FAT2: variants seen among roughly 807,000 people sequenced by gnomAD.
The protein encoded by FAT2 is protocadherin Fat 2.
FAT2 carries 150 observed loss-of-function variants against 295.3 expected under a neutral mutation model. The ratio of observed to expected loss-of-function variants is 0.51; its 90% CI spans 0.44 to 0.58. FAT2 has a LOEUF of 0.58. Among genes scored for constraint, FAT2 ranks in the 20% least tolerant of loss-of-function variants. The pLI, the probability that FAT2 is intolerant of heterozygous loss-of-function variation, is 0.00. For missense variants in FAT2, 4,868 were observed against 5,442.7 expected (o/e 0.89, Z 3.32); for synonymous variants, 2,026 against 2,150.3 (o/e 0.94, Z 1.60).
rs2127579295 is a variant in FAT2, at chr5:151,521,366, G to C, written c.11227C>G (p.Leu3743Val). The change falls in exon 19 of 24, where the codon CTG becomes GTG. Residue 3743 changes from leucine to valine, a missense_variant. Physicochemically the swap from Leu to Val is conservative, Grantham distance 32. This residue lies in a region of FAT2 where 1,046 missense variants were observed against 1,210.1 expected (regional missense o/e 0.86). Transcript: ENST00000261800. Reference sequence around the variant, plus strand: ...TACGTGGGCCCAACCTTGGGGTCCAGATGCACTGTGTTATGGCAGATTTGA... The same window carrying C: ...TACGTGGGCCCAACCTTGGGGTCCACATGCACTGTGTTATGGCAGATTTGA... ...QGQICHNTVH[L>V]DPKVGPTYST... 6.2e-7 allele frequency: 1 copy of C among 1,614,250 alleles called. No homozygotes were observed. Among genetic ancestry groups the C allele is most frequent in the Non-Finnish European group, 8.5e-7 (1 of 1,180,048 alleles).
Position 151,556,387 on chromosome 5 carries a change from G to T in FAT2, c.3590C>A (p.Ala1197Asp). ...CTTGTTCTCTCTGTCCAGCTGCTGG[G>T]CTGTAGATAGGAGACCTGAGAGAGA... ...IHPVTGLLSTAQQLDRENKDE... is the reference protein window; with the variant it reads ...IHPVTGLLSTDQQLDRENKDE... The change falls in exon 4 of 24, where the codon GCC becomes GAC. Residue 1197 changes from alanine to aspartate, a missense_variant. Coordinates refer to ENST00000261800, the MANE Select transcript of FAT2 (RefSeq NM_001447.3). 1 of 1,613,606 alleles carries T rather than the reference G, an allele frequency of 6.2e-7. No individual in the cohort carries two copies. Among genetic ancestry groups the T allele is most frequent in the Non-Finnish European group, 8.5e-7 (1 of 1,179,708 alleles).
chr5:151,523,775 C>T (rs537864316), intron 18 of FAT2, among the ~76,000 whole-genome samples: 1 of 152,270 alleles, frequency 6.6e-6, no homozygotes, highest in East Asian at 1.9e-4. Context: ...ACCCACTGGA[C>T]ACCTCTGCTT....
intron 7 of FAT2, 50 bp from the exon 8 acceptor site, chr5:151,550,921 G>T: frequency 6.3e-7 from 1 of 1,578,976 alleles, no homozygotes; most frequent in East Asian, 2.2e-5. Flanking sequence ...CAGGGGAACA[G>T]GGACTGGGTC....
intron 1 of FAT2, among the ~76,000 whole-genome samples, chr5:151,580,903 C>G (rs908847418): frequency 2.0e-5 from 3 of 152,210 alleles, no homozygotes; most frequent in African/African-American, 7.2e-5. Context: ...CAATAAATGG[C>G]CTTCCAAGGA....
chr5:151,507,569 T>G lies in FAT2; in HGVS notation c.12102A>C (p.Leu4034=), dbSNP rs894736376. ...EARGCSEGHC[L]VTPEIQRGDW... ...CCCCCCTTTGGATCTCGGGAGTGAC[T>G]AGGCAGTGTCCTTCTGAACAACCCC... is the stretch of plus-strand genomic sequence containing the variant. Residue 4034 remains leucine, a synonymous_variant, in exon 23 of 24, where the codon CTA becomes CTC. Coordinates refer to ENST00000261800, the MANE Select transcript of FAT2 (RefSeq NM_001447.3). 18 of 1,613,632 alleles carry G rather than the reference T, an allele frequency of 1.1e-5. No individual in the cohort carries two copies. The highest frequency in any genetic ancestry group is 1.4e-5 in the Non-Finnish European group (17 of 1,179,942).
chr5:151,583,907 A>G (rs1481230389), intron 1 of FAT2, among the ~76,000 whole-genome samples: 2 of 150,846 alleles, frequency 1.3e-5, no homozygotes, highest in Non-Finnish European at 2.9e-5. Context: ...TTGAGGCACA[A>G]GAATCACTTG....
chr5:151,577,420 G>C (rs1758787062), intron 1 of FAT2, among the ~76,000 whole-genome samples: 1 of 152,346 alleles, frequency 6.6e-6, no homozygotes, highest in Admixed American at 6.5e-5. Flanking sequence ...CAGAGAACAA[G>C]AGAGATGAGG....
At position 151,534,518 on chromosome 5, in the gene FAT2, C is replaced by G; in HGVS notation, c.9318G>C (p.Val3106=). The G allele has an allele frequency of 6.2e-7, 1 of 1,614,122 alleles. No individual in the cohort carries two copies. The highest frequency in any genetic ancestry group is 8.5e-7 in the Non-Finnish European group (1 of 1,180,026). ...GGAAGAACCGCGGGGCATTGTCATT[C>G]ACATCCTCCACATGGAGGGTGATGT... ...QADITLHVED[V]NDNAPRFFPS... Residue 3106 remains valine, a synonymous_variant, in exon 13 of 24, where the codon GTG becomes GTC. Coordinates refer to ENST00000261800, the MANE Select transcript of FAT2 (RefSeq NM_001447.3).
intron 2 of FAT2, among the ~76,000 whole-genome samples, chr5:151,565,028 T>C (rs760918333): frequency 1.3e-5 from 2 of 152,060 alleles, no homozygotes; most frequent in Non-Finnish European, 2.9e-5. Context: ...TGAGCCGAGA[T>C]CGAACCACTT....
At chr5:151,578,081 T>A (rs1229948570) in intron 1 of FAT2, among the ~76,000 whole-genome samples, 1 of 151,796 alleles carries the variant, frequency 6.6e-6, no homozygotes, top group Non-Finnish European at 1.5e-5. Context: ...TGGTATTTAT[T>A]CATTAGAAGC....
At position 151,544,260 on chromosome 5, in the gene FAT2, G is replaced by A. The variant is rs1009903287; in HGVS notation, c.6867C>T (p.Thr2289=). 11 of 1,614,062 alleles carry A rather than the reference G, an allele frequency of 6.8e-6. No homozygotes were observed. The highest frequency in any genetic ancestry group is 9.3e-6 in the Non-Finnish European group (11 of 1,180,040). The change falls in exon 10 of 24, where the codon ACC becomes ACT. Residue 2289 remains threonine, a synonymous_variant. Transcript: ENST00000261800. ...CAGAAGCCAACAGTTGGATCACAGG[G>A]GTCTGAGCAGGCAAGCCTTCTGAGA... ...TSISEGLPAQ[T]PVIQLLASDQ... is the part of the protein sequence containing the mutation.
chr5:151,506,182 C>A (rs151155358), intron 23 of FAT2, 85 bp from the exon 24 acceptor site: 4 of 1,407,098 alleles, frequency 2.8e-6, no homozygotes, highest in Admixed American at 2.6e-5. Context: ...TATAACCTAG[C>A]GAGTGGTGGA....
At position 151,512,543 on chromosome 5, in the gene FAT2, A is replaced by G; in HGVS notation, c.11527T>C (p.Ser3843Pro). 1 of 1,614,158 alleles carries G rather than the reference A, an allele frequency of 6.2e-7. No homozygotes were observed. Among genetic ancestry groups the G allele is most frequent in the Non-Finnish European group, 8.5e-7 (1 of 1,180,042 alleles). The change falls in exon 21 of 24, where the codon TCC becomes CCC. Residue 3843 changes from serine to proline, a missense_variant. Around this residue, in one of 5 missense-constraint regions of FAT2, gnomAD observed 1,046 missense variants for 1,210.1 expected, o/e 0.86. Coordinates refer to ENST00000261800, the MANE Select transcript of FAT2 (RefSeq NM_001447.3). This position sits in a 1 kb window ranked among gnomAD's most constrained non-coding sequence, Gnocchi z 4.1. ...TCGTGGTCATTCACATGGCGCTGGG[A>G]GGAAAGGTTTCCATAGAAACCACCC... Reference protein sequence around the residue: ...CLGGFYGNLSSQRHVNDHEWH... With the variant: ...CLGGFYGNLSPQRHVNDHEWH...
At position 151,510,098 on chromosome 5, in the gene FAT2, G is replaced by C. The variant is rs1294738166; in HGVS notation, c.11982C>G (p.Pro3994=). The change falls in exon 22 of 24, where the codon CCC becomes CCG. Residue 3994 remains proline, a synonymous_variant. Transcript: ENST00000261800. ...GGATGCAAGTTCCACCTTCCAGGCAGGGTGCAAAAGTACAGTTCTCCCTTC... is the reference window on the plus strand; with the variant it reads ...GGATGCAAGTTCCACCTTCCAGGCACGGTGCAAAAGTACAGTTCTCCCTTC... ...EQGRENCTFA[P]CLEGGTCILS... is the part of the protein sequence containing the mutation. 6.2e-7 allele frequency: 1 copy of C among 1,614,206 alleles called. No individual in the cohort carries two copies. Among genetic ancestry groups the C allele is most frequent in the Non-Finnish European group, 8.5e-7 (1 of 1,180,032 alleles).
At position 151,531,416 on chromosome 5, in the gene FAT2, T is replaced by A. The variant is rs549749389; in HGVS notation, c.9811+171A>T. The stretch of plus-strand genomic sequence containing the variant: ...GCTCCCACATAAGCTGGCCCCAGGG[T>A]GGAAGGAGGGACCTGGTACTCGGAG... On this transcript the variant is annotated intron_variant, in intron 14 of 23. Coordinates refer to ENST00000261800, the MANE Select transcript of FAT2 (RefSeq NM_001447.3). This position sits in a 1 kb window ranked among gnomAD's most constrained non-coding sequence, Gnocchi z 5.7. Among the ~76,000 whole-genome samples the A allele has an allele frequency of 3.3e-5, 5 of 151,534 alleles. No homozygotes were observed. The highest frequency in any genetic ancestry group is 3.3e-4 in the Admixed American group (5 of 15,256).
chr5:151,557,319 G>C (rs74420197), intron 3 of FAT2, among the ~76,000 whole-genome samples: 5,997 of 152,162 alleles, frequency 0.039, 160 homozygotes, highest in East Asian at 0.089. Flanking sequence ...CCTAGCTTTA[G>C]TCCTTCATTA....
rs746713886 is a variant in FAT2, at chr5:151,550,881, G to A, written c.4297-10C>T. On this transcript the variant is annotated splice_polypyrimidine_tract_variant and intron_variant, in intron 7 of 23. Coordinates refer to ENST00000261800, the MANE Select transcript of FAT2 (RefSeq NM_001447.3). The stretch of plus-strand genomic sequence containing the variant: ...TCATGAAGATGTGGACCTAGGGAGG[G>A]AGATGAGGGAGAAGGTGCACTGCAA... The A allele has an allele frequency of 1.2e-6, 2 of 1,611,002 alleles. No homozygotes were observed. Among genetic ancestry groups the A allele is most frequent in the Non-Finnish European group, 1.7e-6 (2 of 1,178,992 alleles).
chr5:151,586,198 C>T (rs897969045), intron 1 of FAT2, among the ~76,000 whole-genome samples: 1 of 152,258 alleles, frequency 6.6e-6, no homozygotes. Flanking sequence ...CAGGCCAACA[C>T]GTGCACACAT....
rs71588019 is a variant in FAT2, at chr5:151,561,902, G to T, written c.3574+1423C>A. On this transcript the variant is annotated intron_variant, in intron 3 of 23. Transcript: ENST00000261800. The stretch of plus-strand genomic sequence containing the variant: ...CCCTCTAGGGCATTTTGCCAGACCT[G>T]CTGTCAGGGAACTGTTGATAGTAAA... Among the ~76,000 whole-genome samples the T allele has an allele frequency of 8.9e-3, 1,352 of 152,344 alleles. 7 individuals are homozygous for T. The highest frequency in any genetic ancestry group is 0.016 in the Admixed American group (249 of 15,302).
Sources: gnomAD v4.1 joint callset for allele counts (sites outside exome capture counted in the v4.1 genomes callset) on GRCh38, gnomAD v4.1.1 for gene constraint, gnomAD v4.1.1 regional missense constraint, Gnocchi (gnomAD v3.1) non-coding constraint, MANE v1.5 for transcripts, NCBI Gene and HGNC (gene_info 2026-07-23, HGNC 2026-07-21) for gene names.